LRRC4C: variants seen among roughly 807,000 people sequenced by gnomAD.
LRRC4C encodes leucine rich repeat containing 4C, also known as leucine-rich repeat-containing protein 4C.
In LRRC4C, 5 loss-of-function variants were observed where a neutral mutation model predicts 33.6. The ratio of observed to expected loss-of-function variants is 0.15; its 90% confidence interval spans 0.08 to 0.31. The LOEUF is 0.31. Ranked by LOEUF, LRRC4C falls within the 10% of genes least tolerant of loss-of-function variation. The pLI, the probability that LRRC4C is intolerant of heterozygous loss-of-function variation, is 1.00. For synonymous variants in LRRC4C, 329 were observed against 302.0 expected, an observed-to-expected ratio of 1.09 and a Z score of -0.93; for missense variants, 560 against 796.7, an observed-to-expected ratio of 0.70 and a Z score of 3.58.
intron 2 of LRRC4C, among the ~76,000 whole-genome samples, chr11:40,793,136 TA>T (rs2135182387): frequency 6.6e-6 from 1 of 151,732 alleles, no homozygotes; most frequent in Admixed American, 6.6e-5. Flanking sequence ...TAAAGTATAA[TA>T]AAAAAATTAA....
At chr11:41,151,819 G>A (rs1291811915) in intron 1 of LRRC4C, among the ~76,000 whole-genome samples, 1 of 152,150 alleles carries the variant, frequency 6.6e-6, no homozygotes, top group African/African-American at 2.4e-5. Flanking sequence ...TTAAGAGACT[G>A]AGTTATTCTA....
chr11:40,826,351 G>T (rs1376725474), intron 2 of LRRC4C, among the ~76,000 whole-genome samples: 1 of 151,864 alleles, frequency 6.6e-6, no homozygotes, highest in African/African-American at 2.4e-5. Context: ...ACAGCCTGAA[G>T]GATTCCAAAA....
chr11:40,583,292 C>T (rs1435180853), intron 3 of LRRC4C, among the ~76,000 whole-genome samples: 1 of 152,194 alleles, frequency 6.6e-6, no homozygotes, highest in Non-Finnish European at 1.5e-5. Flanking sequence ...TTTTCCCCCT[C>T]TGCTCTAATC....
chr11:40,984,229 G>C (rs1355646023), intron 1 of LRRC4C, among the ~76,000 whole-genome samples: 1 of 141,306 alleles, frequency 7.1e-6, no homozygotes, highest in Non-Finnish European at 1.5e-5. Context: ...GGAAGAAAGA[G>C]GAAAGGAAAG....
chr11:41,032,655 A>G (rs1310679501), intron 1 of LRRC4C, among the ~76,000 whole-genome samples: 2 of 151,988 alleles, frequency 1.3e-5, no homozygotes, highest in Non-Finnish European at 2.9e-5. Flanking sequence ...TAGCCTGTGA[A>G]GGGAACCCAG....
chr11:40,946,378 T>C (rs929023774), intron 1 of LRRC4C, among the ~76,000 whole-genome samples: 1 of 152,212 alleles, frequency 6.6e-6, no homozygotes, highest in Non-Finnish European at 1.5e-5. Flanking sequence ...CTATGGTGAA[T>C]AGTGCTGTTA....
chr11:41,346,355 G>T (rs577428315), intron 1 of LRRC4C, among the ~76,000 whole-genome samples: 1 of 152,088 alleles, frequency 6.6e-6, no homozygotes, highest in Non-Finnish European at 1.5e-5. Flanking sequence ...CCCTGAAGAA[G>T]CAATAAATAA....
chr11:40,366,480 G>C (rs1775027453), intron 3 of LRRC4C, among the ~76,000 whole-genome samples: 1 of 151,894 alleles, frequency 6.6e-6, no homozygotes, highest in Admixed American at 6.6e-5. Flanking sequence ...GTGTATCAGG[G>C]AGATGGTGAG....
At chr11:41,411,160 T>TTTTTTTGTTTTTTTTTTTTTG (rs1646817188) in intron 1 of LRRC4C, among the ~76,000 whole-genome samples, 1 of 85,084 alleles carries the variant, frequency 1.2e-5, no homozygotes, top group African/African-American at 4.3e-5. Context: ...TTTTTTTTTT[T>TTTTTTTGTTTTTTTTTTTTTG]TTTTTTGAGA....
At chr11:41,131,992 A>G (rs1434400166) in intron 1 of LRRC4C, among the ~76,000 whole-genome samples, 1 of 152,164 alleles carries the variant, frequency 6.6e-6, no homozygotes, top group African/African-American at 2.4e-5. Context: ...AACTGTAAAT[A>G]TACTCAGTTG....
intron 1 of LRRC4C, among the ~76,000 whole-genome samples, chr11:41,255,051 G>A (rs1158788434): frequency 6.6e-6 from 1 of 151,798 alleles, no homozygotes; most frequent in Admixed American, 6.6e-5. Context: ...TTCTTGCAAG[G>A]GTAAAATTAA....
chr11:41,262,742 G>C (rs1949024108), intron 1 of LRRC4C, among the ~76,000 whole-genome samples: 1 of 152,006 alleles, frequency 6.6e-6, no homozygotes, highest in Admixed American at 6.6e-5. Flanking sequence ...AAATGTTTTT[G>C]AAATAATAGC....
rs551737249 is a variant in LRRC4C at position 40,212,391 on chromosome 11, C to T, written c.-96+29128G>A. ...AAAGCACCCAGGGTAATTACATGCT[C>T]AGATTAGAAACTACTTTTAGTAGTA... On this transcript the variant is annotated intron_variant, in intron 5 of 6. Coordinates refer to ENST00000528697, the MANE Select transcript of LRRC4C (RefSeq NM_001258419.2). 8.3e-4 allele frequency among the ~76,000 whole-genome samples: 125 copies of T among 151,130 alleles called. 1 individual carries two copies. The highest frequency in any genetic ancestry group is 2.9e-3 in the African/African-American group (121 of 41,118).
chr11:40,199,052 AG>A (rs1173276554), intron 5 of LRRC4C, among the ~76,000 whole-genome samples: 1 of 152,030 alleles, frequency 6.6e-6, no homozygotes, highest in Non-Finnish European at 1.5e-5. Context: ...TTGAGGGCAA[AG>A]GGTTATTTTT....
chr11:41,404,907 A>G (rs1591444080), intron 1 of LRRC4C, among the ~76,000 whole-genome samples: 1 of 152,236 alleles, frequency 6.6e-6, no homozygotes, highest in Middle Eastern at 3.4e-3. Context: ...GCCACTGGTA[A>G]ACAACCATTC....
At chr11:41,084,665 A>G (rs4755568) in intron 1 of LRRC4C, among the ~76,000 whole-genome samples, 54,443 of 151,870 alleles carry the variant, frequency 0.36, 9,980 homozygotes, top group East Asian at 0.54. Context: ...CCTGGCCAAC[A>G]TGGTGAAACC....
chr11:40,712,593 T>C (rs1946521901), intron 2 of LRRC4C, among the ~76,000 whole-genome samples: 1 of 152,134 alleles, frequency 6.6e-6, no homozygotes, highest in Admixed American at 6.5e-5. Flanking sequence ...ATGTAATTAA[T>C]ATATTAACAT....
chr11:40,315,053 T>C (rs755584778), intron 4 of LRRC4C, among the ~76,000 whole-genome samples: 10 of 152,004 alleles, frequency 6.6e-5, no homozygotes, highest in South Asian at 2.1e-4. Context: ...AAGAGGATAT[T>C]GAATGCTTCA....
intron 5 of LRRC4C, among the ~76,000 whole-genome samples, chr11:40,155,053 C>G (rs970099895): frequency 3.3e-5 from 5 of 151,964 alleles, no homozygotes; most frequent in African/African-American, 1.2e-4. Flanking sequence ...CAAAAAGAAC[C>G]TTTAAAATAG....
Sources: gnomAD v4.1 joint callset for allele counts (sites outside exome capture counted in the v4.1 genomes callset) on GRCh38, gnomAD v4.1.1 for gene constraint, MANE v1.5 for transcripts, NCBI Gene and HGNC (gene_info 2026-07-23, HGNC 2026-07-21) for gene names.